OPRM1: variants seen among roughly 807,000 people sequenced by gnomAD.
OPRM1 encodes opioid receptor mu 1.
Under a neutral mutation model 31.8 loss-of-function variants are expected in OPRM1, and 27 were observed. The observed-to-expected ratio is 0.85, with a 90% CI of 0.63 to 1.17. OPRM1 has a LOEUF of 1.17. Among genes scored for constraint, OPRM1 ranks in the 50% most tolerant of loss-of-function variants. OPRM1 has a pLI of 0.00. For missense variants in OPRM1, 536 were observed against 511.1 expected, an observed-to-expected ratio of 1.05 and a Z score of -0.47; for synonymous variants, 196 against 189.9, an observed-to-expected ratio of 1.03 and a Z score of -0.26.
intron 3 of OPRM1, among the ~76,000 whole-genome samples, chr6:154,110,166 A>T (rs1025114665): frequency 2.0e-5 from 3 of 152,162 alleles, no homozygotes; most frequent in African/African-American, 7.2e-5. Flanking sequence ...TATCTCTGAA[A>T]ATAGAGCAGG....
chr6:154,085,922 C>A (rs1417473014), intron 1 of OPRM1, among the ~76,000 whole-genome samples: 1 of 126,566 alleles, frequency 7.9e-6, no homozygotes, highest in East Asian at 2.1e-4. Context: ...GTGTCTCTCT[C>A]TGTTGCTCAG....
At chr6:154,035,840 A>G (rs1327885924), upstream of OPRM1, among the ~76,000 whole-genome samples, 2 of 152,162 alleles carry the variant, frequency 1.3e-5, no homozygotes, top group Non-Finnish European at 2.9e-5. Flanking sequence ...CTAAATGTAT[A>G]GATAATAAAT....
At chr6:154,187,363 T>C (rs1286161901) in intron 3 of OPRM1, among the ~76,000 whole-genome samples, 3 of 152,172 alleles carry the variant, frequency 2.0e-5, no homozygotes, top group African/African-American at 7.2e-5. Flanking sequence ...TCCCTACCAG[T>C]CTCTCCCCTC....
At chr6:154,199,794 T>C in intron 3 of OPRM1, 1 of 1,614,236 alleles carries the variant, frequency 6.2e-7, no homozygotes. Context: ...GTGACAAAAC[T>C]GTTTTCCAGG....
At chr6:154,088,459 G>C (rs1473440708) in intron 1 of OPRM1, among the ~76,000 whole-genome samples, 1 of 152,132 alleles carries the variant, frequency 6.6e-6, no homozygotes. Context: ...AAATAACTTA[G>C]GCTTTGCATG....
chr6:154,107,561 T>C, intron 3 of OPRM1: 1 of 718,580 alleles, frequency 1.4e-6, no homozygotes, highest in East Asian at 2.7e-5. Context: ...AGGAAGAGTC[T>C]AGAGCATTAA....
intron 3 of OPRM1, chr6:154,214,198 A>T (rs1778197888): frequency 6.4e-7 from 1 of 1,551,516 alleles, no homozygotes; most frequent in Non-Finnish European, 8.9e-7. Flanking sequence ...AAATTTTCAG[A>T]AATTTAAAAT....
At chr6:154,143,342 A>G (rs1258777346) in intron 3 of OPRM1, among the ~76,000 whole-genome samples, 1 of 152,046 alleles carries the variant, frequency 6.6e-6, no homozygotes, top group Non-Finnish European at 1.5e-5. Flanking sequence ...ATGCAGCTCA[A>G]ACTTCACCAC....
chr6:154,165,998 C>T (rs1799395164), intron 3 of OPRM1, among the ~76,000 whole-genome samples: 1 of 152,244 alleles, frequency 6.6e-6, no homozygotes. Context: ...AAACTGATCC[C>T]TCTCCATGGA....
chr6:154,047,854 T>TA (rs1284039103), intron 1 of OPRM1, among the ~76,000 whole-genome samples: 1 of 152,172 alleles, frequency 6.6e-6, no homozygotes. Flanking sequence ...AATTTACTCT[T>TA]ACAGTGCTGG....
At chr6:154,142,272 G>A (rs374857493) in intron 3 of OPRM1, among the ~76,000 whole-genome samples, 124 of 51,898 alleles carry the variant, frequency 2.4e-3, no homozygotes, top group Middle Eastern at 0.012. Flanking sequence ...CGCAGCCAGC[G>A]CCAGGGAGAG....
Position 154,122,121 on chromosome 6 carries a change from G to A in OPRM1, c.*3400G>A, listed in dbSNP as rs1344881236. On this transcript the variant is annotated 3_prime_UTR_variant, in exon 4 of 4. Transcript: ENST00000330432. Reference sequence around the variant, plus strand: ...CAAAGCAACCTAAGAATAGGACATGGTAGCTTAAGTTTTTCAGCTTCTTAA... The same window carrying A: ...CAAAGCAACCTAAGAATAGGACATGATAGCTTAAGTTTTTCAGCTTCTTAA... 6.6e-6 allele frequency among the ~76,000 whole-genome samples: 1 copy of A among 152,128 alleles called. No homozygotes were observed. Among genetic ancestry groups the A allele is most frequent in the Non-Finnish European group, 1.5e-5 (1 of 68,016 alleles).
chr6:154,142,548 A>G (rs1387664866), intron 3 of OPRM1, among the ~76,000 whole-genome samples: 1 of 152,148 alleles, frequency 6.6e-6, no homozygotes, highest in African/African-American at 2.4e-5. Flanking sequence ...GAATCCAAGG[A>G]AAGGGGCACT....
intron 3 of OPRM1, among the ~76,000 whole-genome samples, chr6:154,211,217 C>A (rs1227581489): frequency 6.6e-6 from 1 of 151,998 alleles, no homozygotes; most frequent in Non-Finnish European, 1.5e-5. Flanking sequence ...GAGATTGAGA[C>A]CATCCTGGCT....
At chr6:154,222,231 A>G (rs1286822763) in intron 3 of OPRM1, among the ~76,000 whole-genome samples, 2 of 152,270 alleles carry the variant, frequency 1.3e-5, no homozygotes, top group Non-Finnish European at 2.9e-5. Flanking sequence ...TTTACCCTTT[A>G]GGCAGGAAGT....
At chr6:154,206,166 C>A (rs755361483) in intron 3 of OPRM1, among the ~76,000 whole-genome samples, 6 of 152,154 alleles carry the variant, frequency 3.9e-5, no homozygotes, top group South Asian at 2.1e-4. Flanking sequence ...CAAGTGATAT[C>A]CCATAAAGAA....
chr6:154,171,261 T>C (rs572131659), intron 3 of OPRM1, among the ~76,000 whole-genome samples: 1 of 152,222 alleles, frequency 6.6e-6, no homozygotes, highest in Admixed American at 6.5e-5. Context: ...GGCATTTGCA[T>C]GTGACAGAAT....
At chr6:154,099,930 ATAT>A (rs1461626391) in intron 3 of OPRM1, among the ~76,000 whole-genome samples, 10 of 141,862 alleles carry the variant, frequency 7.0e-5, no homozygotes, top group South Asian at 4.4e-4. Context: ...ATGTATTATC[ATAT>A]TATGATATAT....
intron 3 of OPRM1, among the ~76,000 whole-genome samples, chr6:154,114,107 A>T (rs1796614595): frequency 6.6e-6 from 1 of 152,208 alleles, no homozygotes; most frequent in Non-Finnish European, 1.5e-5. Context: ...TATATGGCAG[A>T]CTTTCTAATC....
Sources: gnomAD v4.1 joint callset for allele counts (sites outside exome capture counted in the v4.1 genomes callset) on GRCh38, gnomAD v4.1.1 for gene constraint, MANE v1.5 for transcripts, NCBI Gene and HGNC (gene_info 2026-07-23, HGNC 2026-07-21) for gene names.